Variants in ST6GALNAC3 observed in about 807,000 individuals in gnomAD.
ST6GALNAC3 encodes the protein alpha-N-acetylgalactosaminide alpha-2,6-sialyltransferase 3.
A neutral mutation model predicts 32.7 loss-of-function variants in ST6GALNAC3; 25 were observed. That is an observed-to-expected ratio of 0.76 (90% CI 0.56 to 1.07). The LOEUF (loss-of-function observed/expected upper bound fraction) is 1.07. Ranked by LOEUF, ST6GALNAC3 falls within the 50% of genes least tolerant of loss-of-function variation. ST6GALNAC3 has a pLI of 0.00. For synonymous variants in ST6GALNAC3, 129 were observed against 133.1 expected (o/e 0.97, Z 0.21); for missense variants, 355 against 382.4 (o/e 0.93, Z 0.60).
intron 1 of ST6GALNAC3, among the ~76,000 whole-genome samples, chr1:76,080,982 G>T (rs1646886476): frequency 1.3e-5 from 2 of 152,300 alleles, no homozygotes; most frequent in East Asian, 3.9e-4. Flanking sequence ...GGTAAAAGTA[G>T]TGCTCTTTGG....
chr1:76,500,576 T>C (rs1238690032), intron 3 of ST6GALNAC3, among the ~76,000 whole-genome samples: 1 of 152,232 alleles, frequency 6.6e-6, no homozygotes, highest in Non-Finnish European at 1.5e-5. Flanking sequence ...AAGACTAATC[T>C]GTGATAAATT....
chr1:76,135,985 G>C (rs17662194), intron 1 of ST6GALNAC3, among the ~76,000 whole-genome samples: 14,648 of 152,160 alleles, frequency 0.096, 844 homozygotes, highest in Non-Finnish European at 0.13. Flanking sequence ...TTTCTGCTCA[G>C]GATGGGGCCC....
At position 76,156,248 on chromosome 1, in the gene ST6GALNAC3, GA is replaced by G. The variant is rs146835309; in HGVS notation, c.18+81365del. 1.9e-4 allele frequency among the ~76,000 whole-genome samples: 29 copies of G among 152,298 alleles called. 1 individual carries two copies. The highest frequency in any genetic ancestry group is 7.0e-4 in the African/African-American group (29 of 41,558). ...AGATGTTGAACGTCATCACCTCGCT[GA>G]GACGGTGTTTGTCAGGTTTCTTCTC... On this transcript the variant is annotated intron_variant, in intron 1 of 4. Transcript: ENST00000328299.
At chr1:76,516,015 T>A (rs1007399656) in intron 3 of ST6GALNAC3, among the ~76,000 whole-genome samples, 2 of 152,232 alleles carry the variant, frequency 1.3e-5, no homozygotes, top group African/African-American at 4.8e-5. Context: ...TAAAGTCCGA[T>A]ACTATTATTG....
At chr1:76,142,825 T>C (rs1650415434) in intron 1 of ST6GALNAC3, 1 of 386,140 alleles carries the variant, frequency 2.6e-6, no homozygotes, top group Non-Finnish European at 5.3e-6. Context: ...ATGCCTGCCT[T>C]TTTTTTTTTC....
At chr1:76,149,536 A>G (rs1472543219) in intron 1 of ST6GALNAC3, among the ~76,000 whole-genome samples, 1 of 152,230 alleles carries the variant, frequency 6.6e-6, no homozygotes, top group African/African-American at 2.4e-5. Flanking sequence ...TGATATATAT[A>G]TATGCATTAT....
intron 3 of ST6GALNAC3, among the ~76,000 whole-genome samples, chr1:76,499,689 A>G (rs891162436): frequency 6.6e-6 from 1 of 152,150 alleles, no homozygotes; most frequent in Non-Finnish European, 1.5e-5. Flanking sequence ...CAAATGTGCT[A>G]TGCTAATAGA....
chr1:76,139,189 G>A (rs377067309), intron 1 of ST6GALNAC3, among the ~76,000 whole-genome samples: 1 of 149,030 alleles, frequency 6.7e-6, no homozygotes, highest in Non-Finnish European at 1.5e-5. Context: ...GCGAGACTCC[G>A]TCTCAATGGA....
At chr1:76,096,155 T>C (rs367642922) in intron 1 of ST6GALNAC3, among the ~76,000 whole-genome samples, 4 of 152,274 alleles carry the variant, frequency 2.6e-5, no homozygotes, top group South Asian at 2.1e-4. Flanking sequence ...ATATTAAGTT[T>C]GCGGGGAGAT....
chr1:76,627,406 T>G (rs193025581), intron 3 of ST6GALNAC3, 46 bp from the exon 4 acceptor site: 1 of 1,237,462 alleles, frequency 8.1e-7, no homozygotes, highest in Non-Finnish European at 1.2e-6. Flanking sequence ...GTGTGTGTGT[T>G]CTGTGTTTTG....
chr1:76,599,061 G>A (rs1321436952), intron 3 of ST6GALNAC3, among the ~76,000 whole-genome samples: 1 of 151,872 alleles, frequency 6.6e-6, no homozygotes. Context: ...TCATTGCATT[G>A]CTTTTTTCTT....
At chr1:76,538,356 G>C (rs1663756834) in intron 3 of ST6GALNAC3, among the ~76,000 whole-genome samples, 1 of 152,140 alleles carries the variant, frequency 6.6e-6, no homozygotes, top group African/African-American at 2.4e-5. Flanking sequence ...ACTAGGTATT[G>C]ATGGAACATA....
intron 2 of ST6GALNAC3, among the ~76,000 whole-genome samples, chr1:76,378,834 C>A (rs1283768795): frequency 6.6e-6 from 1 of 152,064 alleles, no homozygotes; most frequent in African/African-American, 2.4e-5. Flanking sequence ...TTCCTTCATT[C>A]CCAACTTTTA....
At chr1:76,413,528 T>A (rs534122064) in intron 3 of ST6GALNAC3, among the ~76,000 whole-genome samples, 1 of 152,290 alleles carries the variant, frequency 6.6e-6, no homozygotes, top group East Asian at 1.9e-4. Context: ...TCTCTGGATG[T>A]AATTTGAATG....
At chr1:76,097,831 T>A (rs1307558155) in intron 1 of ST6GALNAC3, among the ~76,000 whole-genome samples, 1 of 152,202 alleles carries the variant, frequency 6.6e-6, no homozygotes, top group Non-Finnish European at 1.5e-5. Context: ...GGGGCACATG[T>A]GCATGCATTT....
At chr1:76,580,583 T>C (rs940081435) in intron 3 of ST6GALNAC3, among the ~76,000 whole-genome samples, 1 of 152,180 alleles carries the variant, frequency 6.6e-6, no homozygotes, top group Admixed American at 6.6e-5. Flanking sequence ...TTCTAACTTT[T>C]TGGTAGCCCC....
chr1:76,565,490 C>A (rs570987815), intron 3 of ST6GALNAC3, among the ~76,000 whole-genome samples: 2 of 152,146 alleles, frequency 1.3e-5, no homozygotes, highest in Non-Finnish European at 2.9e-5. Flanking sequence ...CTTCCGTTTT[C>A]TCTTCCTCTC....
intron 3 of ST6GALNAC3, among the ~76,000 whole-genome samples, chr1:76,606,879 C>T (rs1159481952): frequency 2.7e-5 from 4 of 147,054 alleles, no homozygotes; most frequent in Admixed American, 1.3e-4. Flanking sequence ...TTTTTCATGC[C>T]GACCGATTCT....
At chr1:76,254,610 G>T (rs771910051) in intron 1 of ST6GALNAC3, among the ~76,000 whole-genome samples, 2 of 152,100 alleles carry the variant, frequency 1.3e-5, no homozygotes, top group African/African-American at 4.8e-5. Context: ...TCCTGCAAAA[G>T]CTGAATTCAA....
Sources: allele counts gnomAD v4.1 joint callset (sites outside exome capture counted in the v4.1 genomes callset), GRCh38; gene constraint gnomAD v4.1.1; transcripts MANE v1.5; gene names NCBI Gene and HGNC (gene_info 2026-07-23, HGNC 2026-07-21).